PCDH9: variants seen among roughly 807,000 people sequenced by gnomAD.
PCDH9 encodes protocadherin-9.
A neutral mutation model predicts 70.6 loss-of-function variants in PCDH9; 24 were observed. The observed-to-expected ratio is 0.34, with a 90% CI of 0.25 to 0.48. The LOEUF is 0.48. Ranked by LOEUF, PCDH9 falls within the 20% of genes least tolerant of loss-of-function variation. PCDH9 has a pLI of 0.99. For synonymous variants in PCDH9, 562 were observed against 558.5 expected (o/e 1.01, Z -0.09); for missense variants, 1,281 against 1,503.6 (o/e 0.85, Z 2.45).
At chr13:66,472,274 G>A (rs145335945) in intron 4 of PCDH9, among the ~76,000 whole-genome samples, 85 of 151,300 alleles carry the variant, frequency 5.6e-4, no homozygotes, top group African/African-American at 2.0e-3. Flanking sequence ...ACCTTTGCCT[G>A]AAAGAAAAAC....
At chr13:66,644,291 A>G (rs2077743640) in intron 3 of PCDH9, among the ~76,000 whole-genome samples, 1 of 151,940 alleles carries the variant, frequency 6.6e-6, no homozygotes, top group African/African-American at 2.4e-5. Context: ...TAAAAAATGC[A>G]TCAATACTGG....
In PCDH9 at chr13:66,304,889, G is replaced by T. The variant is rs1185469347; in HGVS notation, c.3480C>A (p.Thr1160=). ...PYQHPKSPLS[T]FAPQKEWVKK... is the part of the protein sequence containing the mutation. ...TCACCCATTCTTTCTGGGGTGCAAA[G>T]GTTGAGAGAGGAGATTTGGGGTGTT... Residue 1160 remains threonine (T), a synonymous_variant, in exon 5 of 5, where the codon ACC becomes ACA. Transcript: ENST00000377865. 2 of 1,613,640 alleles carry T rather than the reference G, an allele frequency of 1.2e-6. No individual in the cohort carries two copies. The highest frequency in any genetic ancestry group is 1.3e-5 in the African/African-American group (1 of 74,972).
intron 4 of PCDH9, among the ~76,000 whole-genome samples, chr13:66,611,340 A>T (rs545517512): frequency 6.6e-6 from 1 of 152,308 alleles, no homozygotes; most frequent in South Asian, 2.1e-4. Context: ...GTTTCTGGCT[A>T]ATTAGAAGAA....
chr13:66,679,207 A>T (rs1318242776), intron 3 of PCDH9, among the ~76,000 whole-genome samples: 1 of 151,722 alleles, frequency 6.6e-6, no homozygotes, highest in Non-Finnish European at 1.5e-5. Context: ...TTTAATCTTT[A>T]AAAAGGTTTA....
At chr13:67,022,239 C>T (rs2084691965) in intron 2 of PCDH9, among the ~76,000 whole-genome samples, 1 of 147,224 alleles carries the variant, frequency 6.8e-6, no homozygotes, top group Non-Finnish European at 1.5e-5. Flanking sequence ...TCTCCTCACT[C>T]AGCCTCCCGA....
intron 3 of PCDH9, among the ~76,000 whole-genome samples, chr13:66,863,636 C>A (rs1042173910): frequency 2.0e-5 from 3 of 152,080 alleles, no homozygotes; most frequent in African/African-American, 7.2e-5. Flanking sequence ...CAGGCACCTG[C>A]CACCATGCCC....
intron 2 of PCDH9, among the ~76,000 whole-genome samples, chr13:67,082,630 T>C (rs113756141): frequency 1.8e-4 from 28 of 152,334 alleles, no homozygotes; most frequent in African/African-American, 6.0e-4. Flanking sequence ...TGAATTGTGG[T>C]TTAATTTTTA....
intron 4 of PCDH9, among the ~76,000 whole-genome samples, chr13:66,571,456 G>A (rs1319313673): frequency 6.6e-6 from 1 of 151,678 alleles, no homozygotes; most frequent in East Asian, 1.9e-4. Context: ...AAATATAAGG[G>A]CATTATAAAA....
At chr13:67,027,863 A>T (rs200144038) in intron 2 of PCDH9, among the ~76,000 whole-genome samples, 5,504 of 151,944 alleles carry the variant, frequency 0.036, 145 homozygotes, top group East Asian at 0.12. Flanking sequence ...TCAAAACCAC[A>T]ATGAGATACC....
chr13:67,073,461 T>A (rs983959591), intron 2 of PCDH9, among the ~76,000 whole-genome samples: 4 of 152,076 alleles, frequency 2.6e-5, no homozygotes, highest in Non-Finnish European at 5.9e-5. Flanking sequence ...TAAAGTTGAC[T>A]AATTGAATTG....
chr13:67,193,843 A>G (rs61959437), intron 2 of PCDH9, among the ~76,000 whole-genome samples: 2 of 152,148 alleles, frequency 1.3e-5, no homozygotes, highest in Non-Finnish European at 2.9e-5. Flanking sequence ...CCATATTTCT[A>G]TGGAAGTGAA....
At chr13:67,039,701 T>C (rs777852230) in intron 2 of PCDH9, among the ~76,000 whole-genome samples, 2 of 152,232 alleles carry the variant, frequency 1.3e-5, no homozygotes, top group South Asian at 2.1e-4. Flanking sequence ...ATTTTTATAA[T>C]GAATCAGTAA....
chr13:66,898,388 T>A (rs1380253558), intron 3 of PCDH9, among the ~76,000 whole-genome samples: 3 of 151,990 alleles, frequency 2.0e-5, no homozygotes, highest in Middle Eastern at 3.2e-3. Context: ...CTATTAATTG[T>A]AAATAACTTT....
At chr13:66,884,237 T>C (rs2081970464) in intron 3 of PCDH9, among the ~76,000 whole-genome samples, 1 of 152,128 alleles carries the variant, frequency 6.6e-6, no homozygotes. Context: ...ACCTACTGAA[T>C]TTCTGGTCAT....
chr13:66,455,458 T>A (rs1958299900), intron 4 of PCDH9, among the ~76,000 whole-genome samples: 1 of 152,012 alleles, frequency 6.6e-6, no homozygotes, highest in African/African-American at 2.4e-5. Context: ...ATACCAGAAA[T>A]CAAGGACAAA....
intron 2 of PCDH9, among the ~76,000 whole-genome samples, chr13:67,030,769 T>C (rs1355914490): frequency 6.6e-6 from 1 of 152,176 alleles, no homozygotes; most frequent in Non-Finnish European, 1.5e-5. Context: ...TTCCATTTGT[T>C]GAATAAAGGT....
At chr13:67,071,888 C>CAAAA (rs5804309) in intron 2 of PCDH9, among the ~76,000 whole-genome samples, 18 of 86,684 alleles carry the variant, frequency 2.1e-4, no homozygotes, top group African/African-American at 8.0e-4. Flanking sequence ...GACTTTGTCT[C>CAAAA]AAAAAAAAAA....
chr13:66,863,653 T>C (rs2081521673), intron 3 of PCDH9, among the ~76,000 whole-genome samples: 1 of 151,916 alleles, frequency 6.6e-6, no homozygotes, highest in African/African-American at 2.4e-5. Flanking sequence ...GCCCAGCTAA[T>C]TTGTTTGTAT....
chr13:66,346,337 G>A (rs575146635), intron 4 of PCDH9, among the ~76,000 whole-genome samples: 3 of 152,178 alleles, frequency 2.0e-5, no homozygotes, highest in Non-Finnish European at 4.4e-5. Flanking sequence ...CCACGGAAAC[G>A]TTGATTCTTG....
Sources: allele counts gnomAD v4.1 joint callset (sites outside exome capture counted in the v4.1 genomes callset), GRCh38; gene constraint gnomAD v4.1.1; transcripts MANE v1.5; gene names NCBI Gene and HGNC (gene_info 2026-07-23, HGNC 2026-07-21).